Variants in TNC observed in about 807,000 individuals in gnomAD.
TNC encodes tenascin C, also known as tenascin.
Under a neutral mutation model 202.4 loss-of-function variants are expected in TNC, and 109 were observed. The ratio of observed to expected loss-of-function variants is 0.54; its 90% CI spans 0.46 to 0.63. The LOEUF (loss-of-function observed/expected upper bound fraction) is 0.63. TNC is among the 30% of genes least tolerant of loss of function. TNC has a pLI of 0.00. For missense variants in TNC, 2,756 were observed against 2,833.3 expected, an observed-to-expected ratio of 0.97 and a Z score of 0.62; for synonymous variants, 1,007 against 1,089.7, an observed-to-expected ratio of 0.92 and a Z score of 1.50.
intron 26 of TNC, 78 bp downstream of exon 26, chr9:115,026,456 G>T: frequency 1.4e-6 from 2 of 1,466,894 alleles, no homozygotes; most frequent in Non-Finnish European, 1.9e-6. Flanking sequence ...AGGAAGGAAT[G>T]AAAGTTAGAG....
chr9:115,052,064 A>ATG (rs1831718975), intron 15 of TNC, among the ~76,000 whole-genome samples: 2 of 147,108 alleles, frequency 1.4e-5, no homozygotes, highest in Non-Finnish European at 3.0e-5. Flanking sequence ...TACATTCCAT[A>ATG]TGTGTGTATA....
At chr9:115,096,398 CT>C (rs1318157150) in intron 1 of TNC, among the ~76,000 whole-genome samples, 1 of 152,176 alleles carries the variant, frequency 6.6e-6, no homozygotes, top group African/African-American at 2.4e-5. Context: ...GCCCATGGGG[CT>C]TGTGGTTACA....
intron 17 of TNC, among the ~76,000 whole-genome samples, chr9:115,044,813 G>A (rs190047622): frequency 9.2e-5 from 14 of 152,146 alleles, no homozygotes; most frequent in Non-Finnish European, 1.3e-4. Context: ...GTTGCTGCCT[G>A]GATTCTAGCA....
intron 1 of TNC, among the ~76,000 whole-genome samples, chr9:115,100,300 G>A (rs771123352): frequency 3.3e-5 from 5 of 152,150 alleles, no homozygotes; most frequent in Non-Finnish European, 7.3e-5. Flanking sequence ...CAAGTCTGTG[G>A]CACAAAACAC....
chr9:115,061,758 T>C (rs1449175188), intron 13 of TNC, among the ~76,000 whole-genome samples: 1 of 152,220 alleles, frequency 6.6e-6, no homozygotes, highest in Non-Finnish European at 1.5e-5. Flanking sequence ...AGTTGGCCCT[T>C]TTTCCCATAG....
rs1834701749 is a variant in TNC at position 115,086,123 on chromosome 9, G to A, written c.1608C>T (p.Cys536=). Residue 536 remains cysteine (C), a synonymous_variant, in exon 3 of 28, where the codon TGC becomes TGT. Coordinates refer to ENST00000350763, the MANE Select transcript of TNC (RefSeq NM_002160.4). ...DCAELSCPND[C]HGQGRCVNGQ... Reference sequence around the variant, plus strand: ...CATTCACACAGCGACCCTGGCCATGGCAGTCATTTGGACAGGAGAGTTCTG... The same window carrying A: ...CATTCACACAGCGACCCTGGCCATGACAGTCATTTGGACAGGAGAGTTCTG... 6.2e-7 allele frequency: 1 copy of A among 1,613,744 alleles called. No homozygotes were observed. The highest frequency in any genetic ancestry group is 8.5e-7 in the Non-Finnish European group (1 of 1,179,840).
At position 115,047,471 on chromosome 9, in the gene TNC, T is replaced by C. The variant is rs140604910; in HGVS notation, c.4852+789A>G. 3.6e-4 allele frequency among the ~76,000 whole-genome samples: 55 copies of C among 152,260 alleles called. 2 individuals carry two copies. In the South Asian group the frequency reaches 5.4e-3, roughly 15 times the overall value. ...GTTTGATCCTCTTCCTTAAAAAGTA[T>C]CCTTTGTCAAATAAGTTTGGAAAAT... On this transcript the variant is annotated intron_variant, in intron 16 of 27. Transcript: ENST00000350763.
intron 14 of TNC, among the ~76,000 whole-genome samples, chr9:115,058,559 C>T (rs111609602): frequency 4.6e-5 from 7 of 152,144 alleles, no homozygotes; most frequent in Admixed American, 1.3e-4. Context: ...AGAGTAGCCT[C>T]GGCTGCAAAT....
chr9:115,112,084 G>GTAT (rs1378360675), intron 1 of TNC, among the ~76,000 whole-genome samples: 6 of 152,136 alleles, frequency 3.9e-5, no homozygotes, highest in Non-Finnish European at 7.4e-5. Flanking sequence ...AGTCATCCTT[G>GTAT]GCTCGGTCCG....
rs373650448 is a variant in TNC, at chr9:115,078,175, G to A, written c.2442C>T (p.Val814=). The change falls in exon 7 of 28, where the codon GTC becomes GTT. Residue 814 remains valine, a synonymous_variant. Transcript: ENST00000350763. ...DAPSQIEVKD[V]TDTTALITWF... is the part of the protein sequence containing the mutation. ...AGGTGATCAAGGCAGTGGTGTCTGT[G>A]ACATCTTTCACCTCGATCTGGCTGG... The A allele has an allele frequency of 3.2e-5, 52 of 1,610,974 alleles. No individual in the cohort carries two copies. Among genetic ancestry groups the A allele is most frequent in the Non-Finnish European group, 4.3e-5 (51 of 1,177,452 alleles).
chr9:115,099,797 T>C lies in TNC; in HGVS notation c.-136-8643A>G, dbSNP rs1836088681. Among the ~76,000 whole-genome samples the C allele has an allele frequency of 3.9e-5, 6 of 152,212 alleles. No homozygotes were observed. The South Asian group carries it at 1.2e-3, about 31-fold the overall frequency. On this transcript the variant is annotated intron_variant, in intron 1 of 27. Coordinates refer to ENST00000350763, the MANE Select transcript of TNC (RefSeq NM_002160.4). ...CAGCATTTCTAACAGAAGGCTAGTC[T>C]CTGAAGGATGAGATCTATAAGACAA...
At chr9:115,065,027 C>G in intron 10 of TNC, 108 bp from the exon 11 acceptor site, 8 of 1,310,006 alleles carry the variant, frequency 6.1e-6, no homozygotes, top group Non-Finnish European at 8.4e-6. Context: ...CATTGCAGTC[C>G]AAGTGCCAGG....
chr9:115,058,303 T>C (rs548364943), intron 14 of TNC, among the ~76,000 whole-genome samples: 1 of 152,370 alleles, frequency 6.6e-6, no homozygotes, highest in African/African-American at 2.4e-5. Context: ...TCCTGGTCTC[T>C]GAGATCCTTC....
chr9:115,071,434 G>T (rs1405878726), intron 10 of TNC, among the ~76,000 whole-genome samples: 1 of 152,152 alleles, frequency 6.6e-6, no homozygotes, highest in East Asian at 1.9e-4. Context: ...CCAATATGGG[G>T]CTCTCATTCA....
chr9:115,048,642 T>C, intron 15 of TNC, 110 bp from the exon 16 acceptor site: 2 of 1,120,358 alleles, frequency 1.8e-6, no homozygotes, highest in Non-Finnish European at 2.5e-6. Flanking sequence ...ATTCAATTTG[T>C]GTTATATGCT....
At chr9:115,035,656 C>T (rs934550645) in intron 21 of TNC, 1 of 279,402 alleles carries the variant, frequency 3.6e-6, no homozygotes. Context: ...TATCAATACT[C>T]ACCCTGACAG....
At position 115,036,041 on chromosome 9, in the gene TNC, C is replaced by A. The variant is rs537618813; in HGVS notation, c.5656+57G>T. On this transcript the variant is annotated intron_variant, in intron 21 of 27. Coordinates refer to ENST00000350763, the MANE Select transcript of TNC (RefSeq NM_002160.4). Reference sequence around the variant, plus strand: ...TGGCTAGCGGTTCCTGTTTAAGATGCAGGCTGTGGGTGGGCACCCCAGAAG... The same window carrying A: ...TGGCTAGCGGTTCCTGTTTAAGATGAAGGCTGTGGGTGGGCACCCCAGAAG... 53 of 1,599,864 alleles carry A rather than the reference C, an allele frequency of 3.3e-5. No homozygotes were observed. In the African/African-American group the frequency reaches 6.2e-4, roughly 19 times the overall value.
At chr9:115,075,054 C>T (rs1426193503) in intron 9 of TNC, among the ~76,000 whole-genome samples, 1 of 152,060 alleles carries the variant, frequency 6.6e-6, no homozygotes, top group Non-Finnish European at 1.5e-5. Context: ...CCTTGCATCC[C>T]GCATAATGTG....
At chr9:115,109,299 A>G (rs1046735320) in intron 1 of TNC, among the ~76,000 whole-genome samples, 1 of 152,240 alleles carries the variant, frequency 6.6e-6, no homozygotes, top group Non-Finnish European at 1.5e-5. Flanking sequence ...TTCATGAACT[A>G]CATCATTTAA....
Sources: allele counts gnomAD v4.1 joint callset (sites outside exome capture counted in the v4.1 genomes callset), GRCh38; gene constraint gnomAD v4.1.1; transcripts MANE v1.5; gene names NCBI Gene and HGNC (gene_info 2026-07-23, HGNC 2026-07-21).